CCN4: variants seen among roughly 807,000 people sequenced by gnomAD.
CCN4 encodes the protein cellular communication network factor 4.
CCN4 carries 30 observed loss-of-function variants against 36.7 expected under a neutral mutation model. The ratio of observed to expected loss-of-function variants is 0.82; its 90% confidence interval spans 0.61 to 1.11. The LOEUF is 1.11. Ranked by LOEUF, CCN4 falls within the 50% of genes least tolerant of loss-of-function variation. The probability of loss-of-function intolerance (pLI) is 0.00; values close to 1 mark genes in which losing one functional copy is unlikely to be tolerated. For missense variants in CCN4, 505 were observed against 504.9 expected (o/e 1.00, Z 0.00); for synonymous variants, 191 against 195.4 (o/e 0.98, Z 0.19).
intron 1 of CCN4, among the ~76,000 whole-genome samples, chr8:133,194,145 T>C (rs1853217584): frequency 6.6e-6 from 1 of 152,162 alleles, no homozygotes; most frequent in South Asian, 2.1e-4. Context: ...TGGTGGTCTA[T>C]GTATAGGTCT....
chr8:133,213,197 C>T, intron 2 of CCN4, 54 bp downstream of exon 2: 1 of 1,550,482 alleles, frequency 6.4e-7, no homozygotes, highest in South Asian at 1.2e-5. Context: ...CCAGCTCTGG[C>T]CCCAAACCCC....
Position 133,191,738 on chromosome 8 carries a change from C to T in CCN4, c.69+525C>T, listed in dbSNP as rs918226105. On this transcript the variant is annotated intron_variant, in intron 1 of 4. Transcript: ENST00000250160. ...AAATGCCAGCTTTCAACAAAAGCTCCTTATTGAGCAAACAGTGCTCAGGGT... is the reference window on the plus strand; with the variant it reads ...AAATGCCAGCTTTCAACAAAAGCTCTTTATTGAGCAAACAGTGCTCAGGGT... Among the ~76,000 whole-genome samples the T allele has an allele frequency of 1.1e-4, 16 of 152,194 alleles. 1 individual carries two copies.
chr8:133,227,357 G>A, intron 4 of CCN4, 54 bp from the exon 5 acceptor site: 2 of 1,539,068 alleles, frequency 1.3e-6, no homozygotes, highest in South Asian at 1.3e-5. Context: ...GGGGAAGAAG[G>A]TGGTTGTCCA....
chr8:133,196,627 T>A (rs1853395858), intron 1 of CCN4, among the ~76,000 whole-genome samples: 1 of 152,204 alleles, frequency 6.6e-6, no homozygotes, highest in African/African-American at 2.4e-5. Context: ...GTGTCTCCAC[T>A]TACAGGCTTT....
intron 1 of CCN4, among the ~76,000 whole-genome samples, chr8:133,208,319 G>A (rs1399961012): frequency 6.6e-6 from 1 of 152,100 alleles, no homozygotes; most frequent in Non-Finnish European, 1.5e-5. Context: ...CGAGCTAAGC[G>A]ATGGTAGCAA....
At chr8:133,212,837 C>G in intron 1 of CCN4, 27 bp from the exon 2 acceptor site, 1 of 1,513,004 alleles carries the variant, frequency 6.6e-7, no homozygotes, top group Non-Finnish European at 8.9e-7. Flanking sequence ...TCAGCAGCCC[C>G]CCTTTCCCTC....
intron 3 of CCN4, among the ~76,000 whole-genome samples, chr8:133,224,433 T>C (rs1588206368): frequency 6.7e-6 from 1 of 150,078 alleles, no homozygotes; most frequent in South Asian, 2.1e-4. Flanking sequence ...AGAGATGGGG[T>C]TTCAACATGT....
chr8:133,194,560 G>A (rs1285688050), intron 1 of CCN4, among the ~76,000 whole-genome samples: 1 of 100,694 alleles, frequency 9.9e-6, no homozygotes, highest in African/African-American at 4.0e-5. Context: ...GTGTGTGGGG[G>A]GGTGGTGGTA....
At chr8:133,204,711 C>T (rs1289039634) in intron 1 of CCN4, among the ~76,000 whole-genome samples, 3 of 152,214 alleles carry the variant, frequency 2.0e-5, no homozygotes, top group Non-Finnish European at 2.9e-5. Context: ...TGTGCCACTA[C>T]ATCCAGCTAA....
chr8:133,225,264 G>T, intron 3 of CCN4, 126 bp from the exon 4 acceptor site: 5 of 937,922 alleles, frequency 5.3e-6, no homozygotes, highest in Non-Finnish European at 8.0e-6. Flanking sequence ...GCTGTCCTGT[G>T]GGGAGGTACA....
chr8:133,211,895 G>T (rs1178929184), intron 1 of CCN4, among the ~76,000 whole-genome samples: 2 of 152,190 alleles, frequency 1.3e-5, no homozygotes, highest in Non-Finnish European at 2.9e-5. Flanking sequence ...GCACAGATGG[G>T]ATTCAGGGGG....
At position 133,230,083 on chromosome 8, in the gene CCN4, T is replaced by C. The variant is rs1187161232; in HGVS notation, c.*2373T>C. 1 of 152,246 alleles carries C rather than the reference T, an allele frequency of 6.6e-6. No individual in the cohort carries two copies. The highest frequency in any genetic ancestry group is 1.5e-5 in the Non-Finnish European group (1 of 68,046). The allele number at this position is 152,246 out of a possible 1,614,324, so 9.4% of individuals were successfully genotyped here. On this transcript the variant is annotated 3_prime_UTR_variant, in exon 5 of 5. Transcript: ENST00000250160. ...AACTGAACTTAGCTTTCAAAGATCATAGGAAGTCTGGTTGGAGAAACTAGG... is the reference window on the plus strand; with the variant it reads ...AACTGAACTTAGCTTTCAAAGATCACAGGAAGTCTGGTTGGAGAAACTAGG...
rs576211698 is a variant in CCN4 at position 133,222,883 on chromosome 8, C to T, written c.610+2042C>T. On this transcript the variant is annotated intron_variant, in intron 3 of 4. Transcript: ENST00000250160. ...TTCTCAAGCTCGGCACTGTCAACAT[C>T]TTGGATGAAGGAATTCTTTGTGGTG... Among the ~76,000 whole-genome samples the T allele has an allele frequency of 5.3e-5, 8 of 151,962 alleles. No homozygotes were observed. The East Asian group carries it at 1.6e-3, about 30-fold the overall frequency.
chr8:133,225,289 T>A, intron 3 of CCN4, 101 bp from the exon 4 acceptor site: 1 of 1,275,098 alleles, frequency 7.8e-7, no homozygotes, highest in Non-Finnish European at 1.1e-6. Context: ...ATTTCTGTGT[T>A]CCTCTGAGTT....
chr8:133,213,069 T>A lies in CCN4; in HGVS notation c.275T>A (p.Ile92Asn). ...GGGGACAACTGCACGGAGGCTGCCA[T>A]CTGTGACCCCCACCGGGGCCTCTAC... ...QLGDNCTEAAICDPHRGLYCD... is the reference protein window; with the variant it reads ...QLGDNCTEAANCDPHRGLYCD... The change falls in exon 2 of 5, where the codon ATC becomes AAC. Residue 92 changes from isoleucine (I) to asparagine (N), a missense_variant. Transcript: ENST00000250160. The A allele has an allele frequency of 1.2e-6, 2 of 1,614,086 alleles. No individual in the cohort carries two copies. The highest frequency in any genetic ancestry group is 1.7e-6 in the Non-Finnish European group (2 of 1,179,972).
At chr8:133,210,080 G>A (rs568578961) in intron 1 of CCN4, among the ~76,000 whole-genome samples, 61 of 152,268 alleles carry the variant, frequency 4.0e-4, no homozygotes, top group African/African-American at 1.4e-3. Context: ...CTTTTTAGCC[G>A]ACAATCCCCC....
chr8:133,206,542 C>G (rs1328638636), intron 1 of CCN4, among the ~76,000 whole-genome samples: 1 of 152,176 alleles, frequency 6.6e-6, no homozygotes, highest in Non-Finnish European at 1.5e-5. Flanking sequence ...TGAACCAAAG[C>G]AAAGGACAGG....
At chr8:133,209,676 C>T (rs1039649151) in intron 1 of CCN4, among the ~76,000 whole-genome samples, 3 of 152,222 alleles carry the variant, frequency 2.0e-5, no homozygotes, top group Non-Finnish European at 4.4e-5. Context: ...GATACCCACC[C>T]GGTTCCAACC....
At chr8:133,226,136 G>A (rs1393841610) in intron 4 of CCN4, among the ~76,000 whole-genome samples, 1 of 152,110 alleles carries the variant, frequency 6.6e-6, no homozygotes, top group East Asian at 1.9e-4. Flanking sequence ...AAGAAAATTG[G>A]GCCACATTAG....
Sources: gnomAD v4.1 joint callset for allele counts (sites outside exome capture counted in the v4.1 genomes callset) on GRCh38, gnomAD v4.1.1 for gene constraint, MANE v1.5 for transcripts, NCBI Gene and HGNC (gene_info 2026-07-23, HGNC 2026-07-21) for gene names.